Variants in CAD observed in about 807,000 individuals in gnomAD.
CAD encodes carbamoyl-phosphate synthetase 2, aspartate transcarbamylase, and dihydroorotase, also known as multifunctional protein CAD.
A neutral mutation model predicts 237.2 loss-of-function variants in CAD; 81 were observed. The ratio of observed to expected loss-of-function variants is 0.34; its 90% CI spans 0.29 to 0.41. CAD has a LOEUF of 0.41. Ranked by LOEUF, CAD falls within the 10% of genes least tolerant of loss-of-function variation. The pLI, the probability that CAD is intolerant of heterozygous loss-of-function variation, is 1.00. For synonymous variants in CAD, 1,196 were observed against 1,162.8 expected, an observed-to-expected ratio of 1.03 and a Z score of -0.58; for missense variants, 2,181 against 2,951.7, an observed-to-expected ratio of 0.74 and a Z score of 6.05.
chr2:27,242,538 T>C lies in CAD; in HGVS notation c.6223-82T>C. The C allele has an allele frequency of 6.4e-7, 1 of 1,557,176 alleles. No homozygotes were observed. Among genetic ancestry groups the C allele is most frequent in the Non-Finnish European group, 8.7e-7 (1 of 1,145,896 alleles). ...TGCATCAAGGAGGCCTTCATTCTGC[T>C]CCAGAGGCTTTTAAAAGCTTGGAAA... On this transcript the variant is annotated intron_variant, in intron 40 of 43. Coordinates refer to ENST00000264705, the MANE Select transcript of CAD (RefSeq NM_004341.5). This position sits in a 1 kb window ranked among gnomAD's most constrained non-coding sequence, Gnocchi z 6.4.
rs1427436643 is a variant in CAD at position 27,234,196 on chromosome 2, A to G, written c.3588A>G (p.Thr1196=). The change falls in exon 22 of 44, where the codon ACA becomes ACG. Residue 1196 remains threonine, a synonymous_variant. Coordinates refer to ENST00000264705, the MANE Select transcript of CAD (RefSeq NM_004341.5). ...VHAVGQELQV[T]GPFNLQLIAK... Reference sequence around the variant, plus strand: ...CTGTGGGCCAGGAGCTACAGGTCACAGGACCCTTCAATCTGCAGCTCATTG... The same window carrying G: ...CTGTGGGCCAGGAGCTACAGGTCACGGGACCCTTCAATCTGCAGCTCATTG... The G allele has an allele frequency of 2.5e-6, 4 of 1,614,124 alleles. No homozygotes were observed. The African/African-American group carries it at 4.0e-5, about 16-fold the overall frequency.
Position 27,232,126 on chromosome 2 carries a change from G to A in CAD, c.2547G>A (p.Leu849=). The A allele has an allele frequency of 6.2e-7, 1 of 1,614,254 alleles. No homozygotes were observed. Among genetic ancestry groups the A allele is most frequent in the Non-Finnish European group, 8.5e-7 (1 of 1,180,050 alleles). The change falls in exon 17 of 44, where the codon CTG becomes CTA. Residue 849 remains leucine, a synonymous_variant. Transcript: ENST00000264705. This position sits in a 1 kb window ranked among gnomAD's most constrained non-coding sequence, Gnocchi z 4.1. Reference sequence around the variant, plus strand: ...AGCGTATCATCGCACATGCCCAGCTGCTAGAACAACACCGTGGACAGCCTT... The same window carrying A: ...AGCGTATCATCGCACATGCCCAGCTACTAGAACAACACCGTGGACAGCCTT... ...RMKRIIAHAQ[L]LEQHRGQPLP... is the part of the protein sequence containing the mutation.
chr2:27,238,273 CAGG>C (rs1359888593), intron 30 of CAD, 86 bp downstream of exon 30: 5 of 1,526,672 alleles, frequency 3.3e-6, no homozygotes, highest in South Asian at 1.2e-5. Flanking sequence ...CAGGAGACAG[CAGG>C]AGGAGAGTCT....
At position 27,222,642 on chromosome 2, in the gene CAD, C is replaced by T; in HGVS notation, c.619C>T (p.His207Tyr). The T allele has an allele frequency of 4.3e-6, 7 of 1,613,862 alleles. No homozygotes were observed. The highest frequency in any genetic ancestry group is 5.1e-6 in the Non-Finnish European group (6 of 1,179,820). ...GAEVTVVPWD[H>Y]ALDSQEYEGL... ...TGAGGTCACTGTGGTACCCTGGGAC[C>T]ATGCACTAGACAGCCAAGGTGAGTA... is the stretch of plus-strand genomic sequence containing the variant. Residue 207 changes from histidine (H) to tyrosine (Y), a missense_variant, in exon 5 of 44, where the codon CAT becomes TAT. His to Tyr is a moderately conservative substitution (Grantham distance 83). Coordinates refer to ENST00000264705, the MANE Select transcript of CAD (RefSeq NM_004341.5).
At position 27,241,915 on chromosome 2, in the gene CAD, A is replaced by G. The variant is rs1340397754; in HGVS notation, c.5888A>G (p.Lys1963Arg). The change falls in exon 39 of 44, where the codon AAG (lysine) becomes AGG (arginine). Residue 1963 changes from lysine (K) to arginine (R), a missense_variant. By Grantham distance (26) the Lys-to-Arg change is conservative. Around this residue, in one of 12 missense-constraint regions of CAD, gnomAD observed 203 missense variants for 284.5 expected, o/e 0.71. Transcript: ENST00000264705. This position sits in a 1 kb window ranked among gnomAD's most constrained non-coding sequence, Gnocchi z 4.6. ...TCCATCTTGCTCTTTCCCTAGGGGA[A>G]GGTCATGGCCTCCATGTTCTATGAA... ...KERSLDILKG[K>R]VMASMFYEVS... 1 of 1,611,470 alleles carries G rather than the reference A, an allele frequency of 6.2e-7. No individual in the cohort carries two copies. Among genetic ancestry groups the G allele is most frequent in the African/African-American group, 1.3e-5 (1 of 74,990 alleles).
In CAD at chr2:27,217,928, A is replaced by G. The variant is rs1379872752; in HGVS notation, c.134A>G (p.Tyr45Cys). The change falls in exon 2 of 44, where the codon TAC (tyrosine) becomes TGC (cysteine). Residue 45 changes from tyrosine (Y) to cysteine (C), a missense_variant. By Grantham distance (194) the Tyr-to-Cys change is radical. This residue lies in a region of CAD where 314 missense variants were observed against 339.4 expected (regional missense o/e 0.93). Coordinates refer to ENST00000264705, the MANE Select transcript of CAD (RefSeq NM_004341.5). Reference protein sequence around the residue: ...GYPEALTDPSYKAQILVLTYP... With the variant: ...GYPEALTDPSCKAQILVLTYP... ...CCCGAGGCCCTCACTGATCCCTCCT[A>G]CAAGGCACAGATCTTAGTGCTCACC... The G allele has an allele frequency of 1.2e-6, 2 of 1,612,988 alleles. No individual in the cohort carries two copies. Among genetic ancestry groups the G allele is most frequent in the Non-Finnish European group, 1.7e-6 (2 of 1,179,440 alleles).
intron 2 of CAD, among the ~76,000 whole-genome samples, chr2:27,220,799 A>G (rs1219866959): frequency 6.6e-6 from 1 of 152,104 alleles, no homozygotes; most frequent in Admixed American, 6.6e-5. Context: ...TCTACTAAAA[A>G]TACAAAAAAT....
chr2:27,223,441 A>C (rs1481393736), intron 6 of CAD, 122 bp from the exon 7 acceptor site: 16 of 970,252 alleles, frequency 1.6e-5, no homozygotes, highest in South Asian at 3.3e-5. Context: ...AAAAAAAAAA[A>C]AAAAACAAAA....
rs200577574 is a variant in CAD, at chr2:27,238,524, C to T, written c.4954C>T (p.Arg1652Cys). 8.6e-5 allele frequency: 139 copies of T among 1,613,852 alleles called. No individual in the cohort carries two copies. The East Asian group carries it at 1.2e-3, about 14-fold the overall frequency. The change falls in exon 31 of 44, where the codon CGC (arginine) becomes TGC (cysteine). Residue 1652 changes from arginine to cysteine, a missense_variant. Coordinates refer to ENST00000264705, the MANE Select transcript of CAD (RefSeq NM_004341.5). ...HLFLSHDDLERLGPGKGEVRP... is the reference protein window; with the variant it reads ...HLFLSHDDLECLGPGKGEVRP... ...GTTCCTAAGCCATGATGACCTGGAG[C>T]GCCTGGGGCCTGGGAAGGGGGAGGT...
At position 27,237,796 on chromosome 2, in the gene CAD, G is replaced by A. The variant is rs763382551; in HGVS notation, c.4642G>A (p.Val1548Met). ...SSENAGTLGT[V>M]AGSAAGLKLY... The stretch of plus-strand genomic sequence containing the variant: ...TGAAAATGCAGGAACCTTGGGCACC[G>A]TGGCCGGGTCTGCAGCCGGGCTGAA... The change falls in exon 29 of 44, where the codon GTG (valine) becomes ATG (methionine). Residue 1548 changes from valine to methionine, a missense_variant. By Grantham distance (21) the Val-to-Met change is conservative. Transcript: ENST00000264705. This position sits in a 1 kb window ranked among gnomAD's most constrained non-coding sequence, Gnocchi z 4.0. 6.2e-6 allele frequency: 10 copies of A among 1,614,256 alleles called. No homozygotes were observed. Among genetic ancestry groups the A allele is most frequent in the Non-Finnish European group, 7.6e-6 (9 of 1,180,046 alleles).
rs763355511 is a variant in CAD at position 27,239,188 on chromosome 2, C to T, written c.5209C>T (p.Arg1737Trp). 3.1e-6 allele frequency: 5 copies of T among 1,610,856 alleles called. No individual in the cohort carries two copies. Among genetic ancestry groups the T allele is most frequent in the South Asian group, 1.1e-5 (1 of 90,558 alleles). ...DLLQRLHHNP[R>W]RIFHLPPQED... ...GCTGCAGCGATTGCACCACAATCCT[C>T]GGCGCATCTTTCACCTGCCCCCGCA... Residue 1737 changes from arginine to tryptophan, a missense_variant, in exon 32 of 44, where the codon CGG (arginine) becomes TGG (tryptophan). Transcript: ENST00000264705. This position sits in a 1 kb window ranked among gnomAD's most constrained non-coding sequence, Gnocchi z 4.0.
intron 7 of CAD, 36 bp downstream of exon 7, chr2:27,223,784 G>C (rs376011086): frequency 6.7e-5 from 107 of 1,606,332 alleles, no homozygotes; most frequent in Non-Finnish European, 1.7e-5. Flanking sequence ...AAAATTTGAA[G>C]CCCTGTGGGC....
rs781399811 is a variant in CAD, at chr2:27,241,336, C to G, written c.5823C>G (p.Phe1941Leu). The change falls in exon 38 of 44, where the codon TTC (phenylalanine) becomes TTG (leucine). Residue 1941 changes from phenylalanine (F) to leucine (L), a missense_variant. Transcript: ENST00000264705. The surrounding 1 kb of genome is among the most constrained non-coding windows in gnomAD (Gnocchi z 4.6). Reference sequence around the variant, plus strand: ...CTCTTTCTTAGATGTCTCACCTGTTCAATGTGGCACACACACTGCGTATGA... The same window carrying G: ...CTCTTTCTTAGATGTCTCACCTGTTGAATGTGGCACACACACTGCGTATGA... Reference protein sequence around the residue: ...QFTKDQMSHLFNVAHTLRMMV... With the variant: ...QFTKDQMSHLLNVAHTLRMMV... 6 of 1,614,056 alleles carry G rather than the reference C, an allele frequency of 3.7e-6. No homozygotes were observed. Among genetic ancestry groups the G allele is most frequent in the Non-Finnish European group, 5.1e-6 (6 of 1,180,030 alleles).
chr2:27,223,489 G>A (rs968814925), intron 6 of CAD, 74 bp from the exon 7 acceptor site: 42 of 1,342,474 alleles, frequency 3.1e-5, no homozygotes, highest in Non-Finnish European at 3.9e-5. Context: ...CAGGAGATCG[G>A]TGAGAGCTGG....
chr2:27,222,492 G>GT (rs1558527862), intron 4 of CAD, 27 bp from the exon 5 acceptor site: 1 of 1,610,608 alleles, frequency 6.2e-7, no homozygotes, highest in East Asian at 2.2e-5. Flanking sequence ...GCTGCCAACT[G>GT]TTGCCCTTTA....
chr2:27,240,548 C>G lies in CAD; in HGVS notation c.5593+187C>G. 6.5e-7 allele frequency: 1 copy of G among 1,548,374 alleles called. No homozygotes were observed. Among genetic ancestry groups the G allele is most frequent in the African/African-American group, 1.4e-5 (1 of 73,124 alleles). On this transcript the variant is annotated intron_variant, in intron 35 of 43. Transcript: ENST00000264705. The surrounding 1 kb of genome is among the most constrained non-coding windows in gnomAD (Gnocchi z 4.6). ...AGACATCTCACAGCTTCTCACATGC[C>G]CTTTTTTGTTGTGGGCAGCTGTGTT...
At position 27,217,894 on chromosome 2, in the gene CAD, G is replaced by T; in HGVS notation, c.100G>T (p.Val34Phe). 2 of 1,606,722 alleles carry T rather than the reference G, an allele frequency of 1.2e-6. No homozygotes were observed. Among genetic ancestry groups the T allele is most frequent in the East Asian group, 2.2e-5 (1 of 44,628 alleles). ...TCTTGCAGTGTTTCAAACCGGCATGGTCGGCTACCCCGAGGCCCTCACTGA... is the reference window on the plus strand; with the variant it reads ...TCTTGCAGTGTTTCAAACCGGCATGTTCGGCTACCCCGAGGCCCTCACTGA... ...AGEVVFQTGM[V>F]GYPEALTDPS... The change falls in exon 2 of 44, where the codon GTC (valine) becomes TTC (phenylalanine). Residue 34 changes from valine to phenylalanine, a missense_variant. By Grantham distance (50) the Val-to-Phe change is conservative. This residue lies in a region of CAD where 314 missense variants were observed against 339.4 expected (regional missense o/e 0.93). Transcript: ENST00000264705.
In CAD at chr2:27,237,302, G is replaced by GC; in HGVS notation, c.4397-76dup. 1 of 1,496,240 alleles carries GC rather than the reference G, an allele frequency of 6.7e-7. No individual in the cohort carries two copies. The highest frequency in any genetic ancestry group is 2.3e-5 in the East Asian group (1 of 44,244). The allele number at this position is 1,496,240 out of a possible 1,614,324, so 92.7% of individuals were successfully genotyped here. A position where few individuals can be genotyped will look rare whatever the true frequency, so the allele number is the denominator to read the frequency against. ...GCCTCCCAAAGTGCTAGGATTACAG[G>GC]CGTGAGCCACCATGTCCAGCTCACC... On this transcript the variant is annotated intron_variant, in intron 27 of 43. Transcript: ENST00000264705. This position sits in a 1 kb window ranked among gnomAD's most constrained non-coding sequence, Gnocchi z 4.0.
chr2:27,226,066 G>A, intron 12 of CAD, 65 bp from the exon 13 acceptor site: 2 of 1,531,978 alleles, frequency 1.3e-6, no homozygotes, highest in South Asian at 2.3e-5. Flanking sequence ...CAGGACCCTG[G>A]GGTGCAGCCT....
Sources: gnomAD v4.1 joint callset for allele counts (sites outside exome capture counted in the v4.1 genomes callset) on GRCh38, gnomAD v4.1.1 for gene constraint, gnomAD v4.1.1 regional missense constraint, Gnocchi (gnomAD v3.1) non-coding constraint, MANE v1.5 for transcripts, NCBI Gene and HGNC (gene_info 2026-07-23, HGNC 2026-07-21) for gene names.